Variants in FANCA observed in about 807,000 individuals in gnomAD.
FANCA encodes the protein FA complementation group A.
A neutral mutation model predicts 194.3 loss-of-function variants in FANCA; 236 were observed. The observed-to-expected ratio is 1.21, with a 90% CI of 1.09 to 1.35. FANCA has a LOEUF of 1.35. FANCA is among the 40% of genes most tolerant of loss of function. The probability of loss-of-function intolerance (pLI) is 0.00; values close to 1 mark genes in which losing one functional copy is unlikely to be tolerated. For synonymous variants in FANCA, 1,014 were observed against 715.8 expected (o/e 1.42, Z -6.65); for missense variants, 2,628 against 1,813.9 (o/e 1.45, Z -8.15).
chr16:89,815,221 G>C (rs1321720043), intron 2 of FANCA, among the ~76,000 whole-genome samples: 2 of 151,550 alleles, frequency 1.3e-5, no homozygotes, highest in African/African-American at 4.8e-5. Flanking sequence ...ATTTTAAGTA[G>C]TGACGGGGTT....
At chr16:89,748,864 A>AC in intron 32 of FANCA, 97 bp from the exon 33 acceptor site, 1 of 958,764 alleles carries the variant, frequency 1.0e-6, no homozygotes, top group Non-Finnish European at 1.6e-6. Flanking sequence ...CCACCCTGAA[A>AC]CCCAGGGCCA....
chr16:89,749,248 T>C (rs2283564), intron 32 of FANCA, among the ~76,000 whole-genome samples: 9,063 of 152,298 alleles, frequency 0.06, 417 homozygotes, highest in East Asian at 0.22. Context: ...AGTCTCGCTC[T>C]GTTGCCCAGG....
At chr16:89,764,269 G>T (rs1389038417) in intron 28 of FANCA, among the ~76,000 whole-genome samples, 2 of 152,132 alleles carry the variant, frequency 1.3e-5, no homozygotes, top group African/African-American at 2.4e-5. Flanking sequence ...TTCGTGTTGG[G>T]AGAAACTGAG....
intron 39 of FANCA, chr16:89,739,756 G>A (rs1598054197): frequency 6.7e-7 from 1 of 1,484,880 alleles, no homozygotes; most frequent in African/African-American, 1.4e-5. Context: ...CAGGAGGGTG[G>A]GTGTGGTGCA....
intron 31 of FANCA, among the ~76,000 whole-genome samples, chr16:89,751,905 G>A (rs1465907707): frequency 3.3e-5 from 5 of 151,988 alleles, no homozygotes; most frequent in Non-Finnish European, 7.4e-5. Context: ...CGAGTAGGTG[G>A]GGCTACAGGT....
intron 11 of FANCA, among the ~76,000 whole-genome samples, chr16:89,794,926 G>T (rs2040192873): frequency 6.6e-6 from 1 of 152,174 alleles, no homozygotes; most frequent in Non-Finnish European, 1.5e-5. Context: ...AAGATAACGT[G>T]AGTTGTGCTG....
intron 39 of FANCA, 174 bp from the exon 40 acceptor site, chr16:89,739,727 T>A (rs1032833633): frequency 1.7e-5 from 26 of 1,499,122 alleles, no homozygotes; most frequent in Non-Finnish European, 2.3e-5. Flanking sequence ...TGGGAGAGGA[T>A]GGGGGGGTCG....
In FANCA at chr16:89,813,806, C is replaced by CTGTGTGTGTGTG. The variant is rs71137678; in HGVS notation, c.283+702_283+713dup. On this transcript the variant is annotated intron_variant, in intron 3 of 42. Transcript: ENST00000389301. ...AGTTTTTTTATCTACAAGTCTTTTA[C>CTGTGTGTGTGTG]TGTGTGTGTGTGTGTGTGTGTGTGT... 4.0e-3 allele frequency among the ~76,000 whole-genome samples: 594 copies of CTGTGTGTGTGTG among 149,538 alleles called. 4 individuals are homozygous for CTGTGTGTGTGTG. Among genetic ancestry groups the CTGTGTGTGTGTG allele is most frequent in the African/African-American group, 0.013 (524 of 40,720 alleles).
chr16:89,814,354 G>A (rs891932593), intron 3 of FANCA, among the ~76,000 whole-genome samples, 166 bp downstream of exon 3: 3 of 152,158 alleles, frequency 2.0e-5, no homozygotes, highest in Non-Finnish European at 4.4e-5. Context: ...ATCGTAAGAA[G>A]CCCAAGAGCA....
intron 10 of FANCA, 89 bp from the exon 11 acceptor site, chr16:89,796,107 A>C: frequency 8.0e-6 from 8 of 1,002,922 alleles, no homozygotes; most frequent in Non-Finnish European, 1.1e-5. Context: ...GCTCAGGCTC[A>C]TCCCTTCTTT....
Position 89,792,390 on chromosome 16 carries a change from C to T in FANCA, c.1083+81G>A, listed in dbSNP as rs17226152. ...GAACCTCTCGATGTGCCGTCCACGG[C>T]AGGCAGCATGACAAGTACTAGGCAG... On this transcript the variant is annotated intron_variant, in intron 12 of 42. Coordinates refer to ENST00000389301, the MANE Select transcript of FANCA (RefSeq NM_000135.4). The T allele has an allele frequency of 3.1e-5, 44 of 1,416,638 alleles. No homozygotes were observed. The Admixed American group carries it at 4.9e-4, about 16-fold the overall frequency. 87.8% of individuals were successfully genotyped at this position (1,416,638 alleles called of 1,614,324 possible).
At chr16:89,791,344 C>A in intron 14 of FANCA, 59 bp downstream of exon 14, 1 of 1,596,242 alleles carries the variant, frequency 6.3e-7, no homozygotes. Flanking sequence ...AGCATGGTCC[C>A]CACTCCCAGG....
rs78823704 is a variant in FANCA at position 89,815,445 on chromosome 16, G to A, written c.189+432C>T. On this transcript the variant is annotated intron_variant, in intron 2 of 42. Transcript: ENST00000389301. The stretch of plus-strand genomic sequence containing the variant: ...GCTCACTGCAATTTCTGCCTCCCGG[G>A]TCCAGGTTCAAGCAATTCTCCTGCC... Among the ~76,000 whole-genome samples the A allele has an allele frequency of 5.2e-3, 747 of 143,048 alleles. 6 individuals carry two copies. The highest frequency in any genetic ancestry group is 0.019 in the African/African-American group (724 of 38,578). 93.8% of individuals were successfully genotyped at this position (143,048 alleles called of 152,430 possible). A position where few individuals can be genotyped will look rare whatever the true frequency, so the allele number is the denominator to read the frequency against.
chr16:89,778,971 A>T lies in FANCA; in HGVS notation c.1748T>A (p.Phe583Tyr). 1 of 1,614,076 alleles carries T rather than the reference A, an allele frequency of 6.2e-7. No homozygotes were observed. Among genetic ancestry groups the T allele is most frequent in the Non-Finnish European group, 8.5e-7 (1 of 1,180,030 alleles). The change falls in exon 19 of 43, where the codon TTC (phenylalanine) becomes TAC (tyrosine). Residue 583 changes from phenylalanine (F) to tyrosine (Y), a missense_variant. Physicochemically the swap from Phe to Tyr is conservative, Grantham distance 22. Transcript: ENST00000389301. ...TCGAGGTGTGAGCAGGGCGGGGAGG[A>T]AGTGGGACACGTAGTAAGGCCTCCT... is the stretch of plus-strand genomic sequence containing the variant. ...IFRRPYYVSH[F>Y]LPALLTPRVL... is the part of the protein sequence containing the mutation.
At position 89,749,999 on chromosome 16, in the gene FANCA, A is replaced by G. The variant is rs17233455; in HGVS notation, c.3067-97T>C. On this transcript the variant is annotated intron_variant, in intron 31 of 42. Transcript: ENST00000389301. ...TCAGGGGTCAGGGAGAGGTCTCCAC[A>G]GTGGACAGGGCAAGAAGGAACAAGT... is the stretch of plus-strand genomic sequence containing the variant. The G allele has an allele frequency of 0.067, 85,490 of 1,272,218 alleles. 3,527 individuals are homozygous for G. The highest frequency in any genetic ancestry group is 0.16 in the East Asian group (6,784 of 42,858). The allele number at this position is 1,272,218 out of a possible 1,614,324, so 78.8% of individuals were successfully genotyped here.
At chr16:89,815,377 C>T (rs1298518920) in intron 2 of FANCA, among the ~76,000 whole-genome samples, 2 of 107,772 alleles carry the variant, frequency 1.9e-5, no homozygotes, top group South Asian at 3.4e-4. Context: ...GTGAGACAGT[C>T]TCACTCTGTA....
chr16:89,747,727 T>A (rs954015356), intron 33 of FANCA, among the ~76,000 whole-genome samples: 1 of 151,770 alleles, frequency 6.6e-6, no homozygotes, highest in Non-Finnish European at 1.5e-5. Flanking sequence ...AATAAATAAA[T>A]AAAAATATAA....
chr16:89,775,119 G>A (rs1468670014), intron 21 of FANCA, among the ~76,000 whole-genome samples: 1 of 151,636 alleles, frequency 6.6e-6, no homozygotes, highest in African/African-American at 2.4e-5. Flanking sequence ...GGAAGCAGCA[G>A]CCTCAGATCT....
At chr16:89,745,985 G>A (rs1393661774) in intron 35 of FANCA, among the ~76,000 whole-genome samples, 1 of 152,180 alleles carries the variant, frequency 6.6e-6, no homozygotes, top group East Asian at 1.9e-4. Flanking sequence ...ATGCCGTGCT[G>A]CGGAGAAAAA....
Sources: gnomAD v4.1 joint callset for allele counts (sites outside exome capture counted in the v4.1 genomes callset) on GRCh38, gnomAD v4.1.1 for gene constraint, MANE v1.5 for transcripts, NCBI Gene and HGNC (gene_info 2026-07-23, HGNC 2026-07-21) for gene names.